The following IL11RA variants were observed in gnomAD, a reference collection of about 807,000 sequenced individuals.
The protein encoded by IL11RA is interleukin-11 receptor subunit alpha.
IL11RA carries 51 observed loss-of-function variants against 57.0 expected under a neutral mutation model. The ratio of observed to expected loss-of-function variants is 0.89; its 90% CI spans 0.71 to 1.13. The LOEUF is 1.13. Among genes scored for constraint, IL11RA ranks in the 50% most tolerant of loss-of-function variants. The probability of loss-of-function intolerance (pLI) is 0.00; values close to 1 mark genes in which losing one functional copy is unlikely to be tolerated. For missense variants in IL11RA, 498 were observed against 539.4 expected (o/e 0.92, Z 0.76); for synonymous variants, 199 against 217.5 (o/e 0.91, Z 0.75).
chr9:34,652,816 C>A (rs543661708), intron 1 of IL11RA, among the ~76,000 whole-genome samples: 1 of 152,278 alleles, frequency 6.6e-6, no homozygotes, highest in East Asian at 1.9e-4. Flanking sequence ...CCACAACACA[C>A]GTGGCTTCCC....
At chr9:34,655,117 T>C (rs1821317748) in intron 1 of IL11RA, 101 bp from the exon 2 acceptor site, 1 of 810,214 alleles carries the variant, frequency 1.2e-6, no homozygotes, top group South Asian at 1.5e-5. Flanking sequence ...ACTTGGTGCA[T>C]CAATTTTTCT....
At chr9:34,655,547 C>T (rs1564104242) in intron 2 of IL11RA, 58 bp from the exon 3 acceptor site, 1 of 1,507,096 alleles carries the variant, frequency 6.6e-7, no homozygotes. Flanking sequence ...ATCTGTCATT[C>T]TCACAAAGTG....
At position 34,658,492 on chromosome 9, in the gene IL11RA, C is replaced by T. The variant is rs748435134; in HGVS notation, c.647-28C>T. 3.1e-6 allele frequency: 5 copies of T among 1,613,598 alleles called. No individual in the cohort carries two copies. The highest frequency in any genetic ancestry group is 4.2e-6 in the Non-Finnish European group (5 of 1,179,514). ...GGAAGTGATGGAGACCCATAGCCTA[C>T]CCTGACTTTGTGTCTTGATGCCCTT... On this transcript the variant is annotated intron_variant, in intron 7 of 12. Transcript: ENST00000441545. This position sits in a 1 kb window ranked among gnomAD's most constrained non-coding sequence, Gnocchi z 4.0.
At chr9:34,659,408 G>A (rs1192832421) in intron 8 of IL11RA, among the ~76,000 whole-genome samples, 1 of 152,196 alleles carries the variant, frequency 6.6e-6, no homozygotes, top group Non-Finnish European at 1.5e-5. Context: ...CTGCCTGCCT[G>A]TGGGGTACCT....
Position 34,659,853 on chromosome 9 carries a change from G to A in IL11RA, c.905G>A (p.Gly302Asp). ...AGTGCCCGGGACTTTCTAGATGCTG[G>A]CACCTGGAGCACCTGGAGCCCGGAG... ...RVSARDFLDAGTWSTWSPEAW... is the reference protein window; with the variant it reads ...RVSARDFLDADTWSTWSPEAW... Residue 302 changes from glycine to aspartate, a missense_variant, in exon 9 of 13, where the codon GGC becomes GAC. Gly to Asp is a moderately conservative substitution (Grantham distance 94). Coordinates refer to ENST00000441545, the MANE Select transcript of IL11RA (RefSeq NM_001142784.3). 1 of 1,614,132 alleles carries A rather than the reference G, an allele frequency of 6.2e-7. No individual in the cohort carries two copies. Among genetic ancestry groups the A allele is most frequent in the Non-Finnish European group, 8.5e-7 (1 of 1,179,976 alleles).
chr9:34,660,215 G>A, intron 9 of IL11RA, 59 bp from the exon 10 acceptor site: 1 of 1,613,686 alleles, frequency 6.2e-7, no homozygotes, highest in Non-Finnish European at 8.5e-7. Context: ...CTTGAGCACA[G>A]GACGTGACCC....
At chr9:34,660,968 G>C (rs1164890791) in intron 12 of IL11RA, 32 bp downstream of exon 12, 1 of 1,550,216 alleles carries the variant, frequency 6.5e-7, no homozygotes, top group Non-Finnish European at 8.9e-7. Context: ...TTTGGACTTG[G>C]AGATGTTTGC....
intron 1 of IL11RA, chr9:34,654,982 G>GGT (rs1478236274): frequency 2.0e-6 from 1 of 507,868 alleles, no homozygotes; most frequent in Non-Finnish European, 3.6e-6. Flanking sequence ...GGTGTGAGGG[G>GGT]GTGTGTGTGT....
chr9:34,656,574 G>C (rs936599946), intron 3 of IL11RA, among the ~76,000 whole-genome samples, 165 bp from the exon 4 acceptor site: 7 of 152,234 alleles, frequency 4.6e-5, no homozygotes, highest in African/African-American at 1.7e-4. Context: ...AGGAGCTGAA[G>C]AAGGAAAGGA....
At position 34,660,300 on chromosome 9, in the gene IL11RA, T is replaced by C. The variant is rs532957310; in HGVS notation, c.979T>C (p.Trp327Arg). 11 of 1,614,204 alleles carry C rather than the reference T, an allele frequency of 6.8e-6. No homozygotes were observed. The highest frequency in any genetic ancestry group is 1.7e-5 in the Admixed American group (1 of 60,032). Reference sequence around the variant, plus strand: ...GACCATACCAAAGGAGATACCAGCATGGGGCCAGCTACACACGCAGCCAGA... The same window carrying C: ...GACCATACCAAAGGAGATACCAGCACGGGGCCAGCTACACACGCAGCCAGA... ...TGTIPKEIPA[W>R]GQLHTQPEVE... is the part of the protein sequence containing the mutation. The change falls in exon 10 of 13, where the codon TGG becomes CGG. Residue 327 changes from tryptophan (W) to arginine (R), a missense_variant. Trp to Arg is a moderately radical substitution (Grantham distance 101). Coordinates refer to ENST00000441545, the MANE Select transcript of IL11RA (RefSeq NM_001142784.3).
At position 34,660,567 on chromosome 9, in the gene IL11RA, G is replaced by C; in HGVS notation, c.1136G>C (p.Gly379Ala). ...LASLGILSFL[G>A]LVAGALALGL... is the part of the protein sequence containing the mutation. ...TCTTTGGGAATCCTTTCTTTCCTGGGACTGGTGGCTGGGGCCCTGGCACTG... is the reference window on the plus strand; with the variant it reads ...TCTTTGGGAATCCTTTCTTTCCTGGCACTGGTGGCTGGGGCCCTGGCACTG... The change falls in exon 11 of 13, where the codon GGA becomes GCA. Residue 379 changes from glycine to alanine, a missense_variant. By Grantham distance (60) the Gly-to-Ala change is moderately conservative (BLOSUM62 0). Transcript: ENST00000441545. 1 of 1,614,150 alleles carries C rather than the reference G, an allele frequency of 6.2e-7. No individual in the cohort carries two copies. The highest frequency in any genetic ancestry group is 1.1e-5 in the South Asian group (1 of 91,080).
rs887530575 is a variant in IL11RA at position 34,658,149 on chromosome 9, C to T, written c.647-371C>T. On this transcript the variant is annotated intron_variant, in intron 7 of 12. Coordinates refer to ENST00000441545, the MANE Select transcript of IL11RA (RefSeq NM_001142784.3). This position sits in a 1 kb window ranked among gnomAD's most constrained non-coding sequence, Gnocchi z 4.0. ...TGCAACTCCTGGGCTCAAGCTATCCCCTCACCTCAGCCTCCCAAGTAGCTG... is the reference window on the plus strand; with the variant it reads ...TGCAACTCCTGGGCTCAAGCTATCCTCTCACCTCAGCCTCCCAAGTAGCTG... Among the ~76,000 whole-genome samples the T allele has an allele frequency of 1.3e-5, 2 of 152,130 alleles. No individual in the cohort carries two copies. Among genetic ancestry groups the T allele is most frequent in the Non-Finnish European group, 2.9e-5 (2 of 68,026 alleles).
chr9:34,655,207 T>A lies in IL11RA; in HGVS notation c.1-11T>A, dbSNP rs1821319637. On this transcript the variant is annotated splice_polypyrimidine_tract_variant and intron_variant, in intron 1 of 12. Transcript: ENST00000441545. ...GGGGTCGGGGATTTTTGACTCTACC[T>A]CTCCCCACAGATGAGCAGCAGCTGC... The A allele has an allele frequency of 6.3e-7, 1 of 1,594,900 alleles. No individual in the cohort carries two copies. The highest frequency in any genetic ancestry group is 1.1e-5 in the South Asian group (1 of 89,618).
In IL11RA at chr9:34,660,589, A is replaced by C. The variant is rs780550983; in HGVS notation, c.1158A>C (p.Ala386=). 3 of 1,613,688 alleles carry C rather than the reference A, an allele frequency of 1.9e-6. No homozygotes were observed. The highest frequency in any genetic ancestry group is 2.2e-5 in the East Asian group (1 of 44,882). Residue 386 remains alanine, a synonymous_variant, in exon 11 of 13, where the codon GCA becomes GCC. Coordinates refer to ENST00000441545, the MANE Select transcript of IL11RA (RefSeq NM_001142784.3). ...TGGGACTGGTGGCTGGGGCCCTGGC[A>C]CTGGGGCTCTGGTAAGTGACTGCCA... The part of the protein sequence containing the change: ...SFLGLVAGAL[A]LGLWLRLRRG...
In IL11RA at chr9:34,661,762, G is replaced by T; in HGVS notation, c.*264G>T. Reference sequence around the variant, plus strand: ...GTGTGACCATGTGTCTGTGAGGCAGGGAACATGTATTCTCTGCATGCATGT... The same window carrying T: ...GTGTGACCATGTGTCTGTGAGGCAGTGAACATGTATTCTCTGCATGCATGT... On this transcript the variant is annotated 3_prime_UTR_variant, in exon 13 of 13. Coordinates refer to ENST00000441545, the MANE Select transcript of IL11RA (RefSeq NM_001142784.3). The T allele has an allele frequency of 1.4e-6, 1 of 734,184 alleles. No homozygotes were observed. The allele number at this position is 734,184 out of a possible 1,614,324, so 45.5% of individuals were successfully genotyped here.
chr9:34,658,019 G>T lies in IL11RA; in HGVS notation c.646+432G>T, dbSNP rs1184709694. ...TTCAAAAGTCCACCCGCAGATCTCA[G>T]GTGGTTTCTTTTTTTCTTTCTCTTC... is the stretch of plus-strand genomic sequence containing the variant. On this transcript the variant is annotated intron_variant, in intron 7 of 12. Transcript: ENST00000441545. The surrounding 1 kb of genome is among the most constrained non-coding windows in gnomAD (Gnocchi z 4.0). 1.3e-5 allele frequency among the ~76,000 whole-genome samples: 2 copies of T among 152,168 alleles called. No individual in the cohort carries two copies. The highest frequency in any genetic ancestry group is 2.9e-5 in the Non-Finnish European group (2 of 68,030).
rs1315590458 is a variant in IL11RA at position 34,653,396 on chromosome 9, AG to A, written c.-1+1168del. Among the ~76,000 whole-genome samples the A allele has an allele frequency of 6.6e-6, 1 of 151,888 alleles. No individual in the cohort carries two copies. Among genetic ancestry groups the A allele is most frequent in the African/African-American group, 2.4e-5 (1 of 41,318 alleles). ...CCTGGTGCTGGGGCCCAAAGAATGG[AG>A]GGGGAGGTGAGAAATGGCTGGAACT... On this transcript the variant is annotated intron_variant, in intron 1 of 12. Coordinates refer to ENST00000441545, the MANE Select transcript of IL11RA (RefSeq NM_001142784.3). This position sits in a 1 kb window ranked among gnomAD's most constrained non-coding sequence, Gnocchi z 4.5.
Position 34,660,308 on chromosome 9 carries a change from G to A in IL11RA, c.987G>A (p.Gln329=), listed in dbSNP as rs751501562. The A allele has an allele frequency of 1.9e-6, 3 of 1,614,248 alleles. No homozygotes were observed. The South Asian group carries it at 3.3e-5, about 18-fold the overall frequency. Residue 329 remains glutamine (Q), a synonymous_variant, in exon 10 of 13, where the codon CAG becomes CAA. Transcript: ENST00000441545. The part of the protein sequence containing the change: ...TIPKEIPAWG[Q]LHTQPEVEPQ... ...CAAAGGAGATACCAGCATGGGGCCAGCTACACACGCAGCCAGAGGTGGAGC... is the reference window on the plus strand; with the variant it reads ...CAAAGGAGATACCAGCATGGGGCCAACTACACACGCAGCCAGAGGTGGAGC...
chr9:34,659,723 A>G, intron 8 of IL11RA, 36 bp from the exon 9 acceptor site: 4 of 1,613,798 alleles, frequency 2.5e-6, no homozygotes, highest in Non-Finnish European at 3.4e-6. Context: ...CCCTGCACTT[A>G]CAAGCTGGGT....
Sources: gnomAD v4.1 joint callset for allele counts (sites outside exome capture counted in the v4.1 genomes callset) on GRCh38, gnomAD v4.1.1 for gene constraint, Gnocchi (gnomAD v3.1) non-coding constraint, MANE v1.5 for transcripts, NCBI Gene and HGNC (gene_info 2026-07-23, HGNC 2026-07-21) for gene names.